GRID2: variants seen among roughly 807,000 people sequenced by gnomAD.
GRID2 encodes glutamate ionotropic receptor delta type subunit 2, also known as glutamate receptor ionotropic, delta-2.
In GRID2, 33 loss-of-function variants were observed where a neutral mutation model predicts 114.8. That is an observed-to-expected ratio of 0.29 (90% confidence interval 0.22 to 0.38). GRID2 has a LOEUF of 0.38. Among genes scored for constraint, GRID2 ranks in the 10% least tolerant of loss-of-function variants. The pLI, the probability that GRID2 is intolerant of heterozygous loss-of-function variation, is 1.00. For missense variants in GRID2, 1,184 were observed against 1,257.7 expected, an observed-to-expected ratio of 0.94 and a Z score of 0.89; for synonymous variants, 505 against 449.9, an observed-to-expected ratio of 1.12 and a Z score of -1.55.
intron 2 of GRID2, among the ~76,000 whole-genome samples, chr4:92,871,884 G>A (rs957447081): frequency 1.3e-5 from 2 of 152,024 alleles, no homozygotes; most frequent in African/African-American, 4.8e-5. Context: ...TACCTTGAGG[G>A]GCTCTTTTTC....
At chr4:92,643,211 A>G (rs1731447394) in intron 2 of GRID2, among the ~76,000 whole-genome samples, 1 of 151,740 alleles carries the variant, frequency 6.6e-6, no homozygotes, top group African/African-American at 2.4e-5. Context: ...TTTCAATGAT[A>G]TTGATTCTTC....
At chr4:92,366,663 G>C (rs921715018) in intron 1 of GRID2, among the ~76,000 whole-genome samples, 1 of 151,836 alleles carries the variant, frequency 6.6e-6, no homozygotes, top group Admixed American at 6.6e-5. Flanking sequence ...TCACCACATA[G>C]AAAAATCAAC....
chr4:93,050,951 G>A (rs1400835229), intron 2 of GRID2, among the ~76,000 whole-genome samples: 6 of 152,112 alleles, frequency 3.9e-5, no homozygotes, highest in African/African-American at 1.4e-4. Context: ...GCTGCTGGGG[G>A]AAAGTATTGT....
Position 93,600,374 on chromosome 4 carries a change from A to T in GRID2, c.2194-25895A>T, listed in dbSNP as rs541742465. 3.3e-5 allele frequency among the ~76,000 whole-genome samples: 5 copies of T among 152,202 alleles called. 1 individual carries two copies. The East Asian group carries it at 9.6e-4, about 29-fold the overall frequency. ...ATATAAAGAACTAAAATCAATAATG[A>T]AAAGACAAATAGTATAATAAAAAAT... On this transcript the variant is annotated intron_variant, in intron 13 of 15. Coordinates refer to ENST00000282020, the MANE Select transcript of GRID2 (RefSeq NM_001510.4).
At chr4:93,304,859 G>T (rs1755258015) in intron 8 of GRID2, among the ~76,000 whole-genome samples, 1 of 152,114 alleles carries the variant, frequency 6.6e-6, no homozygotes, top group African/African-American at 2.4e-5. Context: ...AAAATGTATA[G>T]TTAACAGAGA....
At chr4:92,541,536 T>C (rs1725953763) in intron 1 of GRID2, among the ~76,000 whole-genome samples, 1 of 152,060 alleles carries the variant, frequency 6.6e-6, no homozygotes, top group African/African-American at 2.4e-5. Flanking sequence ...CAGGCAAATT[T>C]ATAGCAATCT....
intron 2 of GRID2, among the ~76,000 whole-genome samples, chr4:92,904,602 G>A (rs1747816463): frequency 6.6e-6 from 1 of 151,656 alleles, no homozygotes; most frequent in South Asian, 2.1e-4. Context: ...GAGAGAAATA[G>A]AAGAAAAATA....
intron 11 of GRID2, among the ~76,000 whole-genome samples, chr4:93,456,355 A>G (rs1343291735): frequency 6.6e-6 from 1 of 152,214 alleles, no homozygotes; most frequent in East Asian, 1.9e-4. Context: ...TACATATGTA[A>G]GAAATGTTAG....
At chr4:92,910,419 TAG>T (rs926250106) in intron 2 of GRID2, among the ~76,000 whole-genome samples, 1 of 152,076 alleles carries the variant, frequency 6.6e-6, no homozygotes, top group Admixed American at 6.6e-5. Flanking sequence ...AGATTTCCCA[TAG>T]AGAGCCAATA....
chr4:93,072,139 A>C (rs1728863707), intron 2 of GRID2, among the ~76,000 whole-genome samples: 1 of 152,148 alleles, frequency 6.6e-6, no homozygotes, highest in African/African-American at 2.4e-5. Flanking sequence ...GATACAAAGC[A>C]CTTTTTCCCA....
intron 1 of GRID2, among the ~76,000 whole-genome samples, chr4:93,779,608 A>G (rs1734439669): frequency 6.6e-6 from 1 of 152,246 alleles, no homozygotes; most frequent in Admixed American, 6.5e-5. Flanking sequence ...ACATGAATAT[A>G]AATTACACCA....
intron 9 of GRID2, among the ~76,000 whole-genome samples, chr4:93,419,628 T>G (rs1381045065): frequency 1.3e-5 from 2 of 152,036 alleles, no homozygotes; most frequent in Non-Finnish European, 2.9e-5. Context: ...GCATAAAATT[T>G]AAAAGGTATG....
chr4:92,943,811 G>C (rs2149541449), intron 2 of GRID2, among the ~76,000 whole-genome samples: 1 of 152,324 alleles, frequency 6.6e-6, no homozygotes, highest in East Asian at 1.9e-4. Flanking sequence ...AGGACCCTCA[G>C]CTGCAGGTCT....
At chr4:93,652,782 G>A (rs968438287) in intron 14 of GRID2, among the ~76,000 whole-genome samples, 7 of 59,944 alleles carry the variant, frequency 1.2e-4, no homozygotes, top group Admixed American at 4.7e-4. Context: ...TGCAGTAAAT[G>A]CTAAAAAAAA....
chr4:93,115,402 G>GACACAC lies in GRID2; in HGVS notation c.735+4465_735+4470dup, dbSNP rs374431110. ...TTATGTGGCATTCCAAGTATATACAGACACACACACACACACACACATTTT... is the reference window on the plus strand; with the variant it reads ...TTATGTGGCATTCCAAGTATATACAGACACACACACACACACACACACACACATTTT... On this transcript the variant is annotated intron_variant, in intron 4 of 15. Transcript: ENST00000282020. Among the ~76,000 whole-genome samples the GACACAC allele has an allele frequency of 1.4e-4, 20 of 144,576 alleles. No homozygotes were observed. In the East Asian group the frequency reaches 3.8e-3, roughly 28 times the overall value. 94.8% of individuals were successfully genotyped at this position (144,576 alleles called of 152,430 possible).
rs1731733690 is a variant in GRID2, at chr4:92,648,030, A to G, written c.244+57744A>G. 1.3e-5 allele frequency among the ~76,000 whole-genome samples: 2 copies of G among 149,904 alleles called. 1 individual carries two copies. The highest frequency in any genetic ancestry group is 1.3e-4 in the Admixed American group (2 of 15,092). On this transcript the variant is annotated intron_variant, in intron 2 of 15. Coordinates refer to ENST00000282020, the MANE Select transcript of GRID2 (RefSeq NM_001510.4). ...TGTACCCTGTTAAAAATAATTTCAT[A>G]AAATGAAGTTTCACTCATTGGGGAC...
intron 14 of GRID2, among the ~76,000 whole-genome samples, chr4:93,670,411 A>T (rs1724311156): frequency 6.6e-6 from 1 of 152,184 alleles, no homozygotes; most frequent in South Asian, 2.1e-4. Context: ...TGATAAAGAG[A>T]ATAGCAACCA....
intron 1 of GRID2, among the ~76,000 whole-genome samples, chr4:92,318,306 A>AT (rs1465449329): frequency 1.3e-4 from 17 of 131,820 alleles, no homozygotes; most frequent in African/African-American, 5.2e-4. Context: ...ATATATATAT[A>AT]TATTTTTTTT....
intron 1 of GRID2, among the ~76,000 whole-genome samples, chr4:92,331,687 G>A (rs1726895663): frequency 6.6e-6 from 1 of 152,128 alleles, no homozygotes; most frequent in Non-Finnish European, 1.5e-5. Context: ...AGACCCTATT[G>A]AGCCAGACAA....
Sources: allele counts gnomAD v4.1 joint callset (sites outside exome capture counted in the v4.1 genomes callset), GRCh38; gene constraint gnomAD v4.1.1; transcripts MANE v1.5; gene names NCBI Gene and HGNC (gene_info 2026-07-23, HGNC 2026-07-21).